Variants in RUNX2 observed in about 807,000 individuals in gnomAD.
RUNX2 encodes the protein runt-related transcription factor 2.
RUNX2 carries 10 observed loss-of-function variants against 51.7 expected under a neutral mutation model. The ratio of observed to expected loss-of-function variants is 0.19; its 90% CI spans 0.12 to 0.33. The LOEUF is 0.33. Ranked by LOEUF, RUNX2 falls within the 10% of genes least tolerant of loss-of-function variation. RUNX2 has a pLI of 1.00. For missense variants in RUNX2, 562 were observed against 691.3 expected (o/e 0.81, Z 2.10); for synonymous variants, 276 against 273.6 (o/e 1.01, Z -0.09).
intron 2 of RUNX2, chr6:45,361,443 G>T (rs1794243956): frequency 6.6e-6 from 1 of 151,922 alleles, no homozygotes; most frequent in Admixed American, 6.6e-5. Context: ...TATATAAATG[G>T]GTAAAGTAAG....
intron 5 of RUNX2, among the ~76,000 whole-genome samples, chr6:45,470,516 T>C (rs1799766199): frequency 6.6e-6 from 1 of 152,166 alleles, no homozygotes; most frequent in Non-Finnish European, 1.5e-5. Flanking sequence ...AAGAAGTGTA[T>C]GATAAATGTC....
At chr6:45,457,903 A>G (rs774674885) in intron 5 of RUNX2, among the ~76,000 whole-genome samples, 5 of 152,096 alleles carry the variant, frequency 3.3e-5, no homozygotes, top group Non-Finnish European at 4.4e-5. Flanking sequence ...TCTAAAATGC[A>G]TTTGTCTGGT....
chr6:45,538,200 G>GT (rs1354878123), intron 7 of RUNX2, among the ~76,000 whole-genome samples: 2 of 152,258 alleles, frequency 1.3e-5, no homozygotes, highest in East Asian at 1.9e-4. Context: ...GAAAATACCA[G>GT]TCTGTCCTGT....
chr6:45,547,885 CT>C lies in RUNX2; in HGVS notation c.*581del, dbSNP rs1234477408. The C allele has an allele frequency of 2.7e-5, 4 of 149,624 alleles. No individual in the cohort carries two copies. Among genetic ancestry groups the C allele is most frequent in the Non-Finnish European group, 5.9e-5 (4 of 68,110 alleles). The allele number at this position is 149,624 out of a possible 1,614,324, so 9.3% of individuals were successfully genotyped here. A position where few individuals can be genotyped will look rare whatever the true frequency, so the allele number is the denominator to read the frequency against. On this transcript the variant is annotated 3_prime_UTR_variant, in exon 9 of 9. Coordinates refer to ENST00000647337, the MANE Select transcript of RUNX2 (RefSeq NM_001024630.4). ...GACATGCTGCAGGTCCTCATCTGAA[CT>C]GTTGGGTTCGTTTTTTTTTTTTTTT...
chr6:45,488,733 G>A (rs1179765427), intron 5 of RUNX2, among the ~76,000 whole-genome samples: 1 of 152,158 alleles, frequency 6.6e-6, no homozygotes, highest in South Asian at 2.1e-4. Flanking sequence ...AGCTAGAGAA[G>A]GGATCCAGGA....
At chr6:45,380,897 G>A (rs1797226411) in intron 2 of RUNX2, among the ~76,000 whole-genome samples, 1 of 152,170 alleles carries the variant, frequency 6.6e-6, no homozygotes, top group Non-Finnish European at 1.5e-5. Flanking sequence ...TTCTCATGTG[G>A]ATGCTACAGT....
intron 5 of RUNX2, among the ~76,000 whole-genome samples, chr6:45,452,816 G>T (rs1298483860): frequency 6.6e-6 from 1 of 152,218 alleles, no homozygotes; most frequent in Non-Finnish European, 1.5e-5. Context: ...GGCTGAGTGG[G>T]TGTGGTGCCA....
At chr6:45,491,661 G>A (rs12173849) in intron 5 of RUNX2, among the ~76,000 whole-genome samples, 5 of 137,312 alleles carry the variant, frequency 3.6e-5, no homozygotes, top group Non-Finnish European at 7.7e-5. Context: ...GAGGGCCAGA[G>A]AAGGTGTCTA....
chr6:45,541,819 G>A (rs1036816256), intron 7 of RUNX2, among the ~76,000 whole-genome samples: 12 of 152,180 alleles, frequency 7.9e-5, no homozygotes, highest in African/African-American at 2.2e-4. Flanking sequence ...AGCCCCAATG[G>A]CAAGTACCCG....
At chr6:45,512,779 A>T (rs62400366) in intron 7 of RUNX2, among the ~76,000 whole-genome samples, 14,485 of 151,970 alleles carry the variant, frequency 0.095, 917 homozygotes, top group Non-Finnish European at 0.14. Flanking sequence ...CTGCCTATAA[A>T]CAAGATTGAT....
intron 5 of RUNX2, among the ~76,000 whole-genome samples, chr6:45,468,374 G>T (rs1799699369): frequency 6.6e-6 from 1 of 152,092 alleles, no homozygotes; most frequent in South Asian, 2.1e-4. Flanking sequence ...TAAATACTTA[G>T]AGAACATGCT....
At chr6:45,383,844 T>A (rs1222780741) in intron 2 of RUNX2, among the ~76,000 whole-genome samples, 1 of 152,240 alleles carries the variant, frequency 6.6e-6, no homozygotes, top group Non-Finnish European at 1.5e-5. Context: ...AGGCAACCTG[T>A]TATTCCTACT....
chr6:45,359,492 T>C (rs116706233), intron 2 of RUNX2, among the ~76,000 whole-genome samples: 2,045 of 152,290 alleles, frequency 0.013, 49 homozygotes, highest in African/African-American at 0.046. Flanking sequence ...CATATTTTAG[T>C]GTAATTTAAA....
chr6:45,370,680 T>C (rs1322467407), intron 2 of RUNX2, among the ~76,000 whole-genome samples: 1 of 152,096 alleles, frequency 6.6e-6, no homozygotes, highest in Non-Finnish European at 1.5e-5. Context: ...ATTGAAAATA[T>C]CAAAACACCC....
At chr6:45,503,423 C>T (rs545854842) in intron 6 of RUNX2, among the ~76,000 whole-genome samples, 2 of 152,288 alleles carry the variant, frequency 1.3e-5, no homozygotes, top group South Asian at 4.1e-4. Flanking sequence ...TCAGGTATCA[C>T]CATGCCTGGG....
chr6:45,410,112 C>T lies in RUNX2; in HGVS notation c.59-12481C>T, dbSNP rs144069472. On this transcript the variant is annotated intron_variant, in intron 2 of 8. Coordinates refer to ENST00000647337, the MANE Select transcript of RUNX2 (RefSeq NM_001024630.4). ...TTCTGTAGTGATAACTTGGGAAGGC[C>T]AGGACATGAAGGGGTTTTGTATGAT... Among the ~76,000 whole-genome samples the T allele has an allele frequency of 5.0e-4, 76 of 152,154 alleles. No individual in the cohort carries two copies. The East Asian group carries it at 0.014, about 28-fold the overall frequency.
At position 45,547,083 on chromosome 6, in the gene RUNX2, C is replaced by G; in HGVS notation, c.1344C>G (p.Gly448=). The part of the protein sequence containing the change: ...QTSSTPYLYY[G]TSSGSYQFPM... ...GCAGCACTCCATATCTCTACTATGG[C>G]ACTTCGTCAGGATCCTATCAGTTTC... The change falls in exon 9 of 9, where the codon GGC becomes GGG. Residue 448 remains glycine (G), a synonymous_variant. Coordinates refer to ENST00000647337, the MANE Select transcript of RUNX2 (RefSeq NM_001024630.4). 6.2e-7 allele frequency: 1 copy of G among 1,614,136 alleles called. No homozygotes were observed. Among genetic ancestry groups the G allele is most frequent in the Non-Finnish European group, 8.5e-7 (1 of 1,180,026 alleles).
In RUNX2 at chr6:45,499,798, A is replaced by G. The variant is rs1320085920; in HGVS notation, c.859+7684A>G. ...CTCATTTTATCCTTCTTCCCCCAAA[A>G]CAGTTCCATTTCTAGCCTGTCTTTA... On this transcript the variant is annotated intron_variant, in intron 6 of 8. Transcript: ENST00000647337. Among the ~76,000 whole-genome samples the G allele has an allele frequency of 4.6e-5, 7 of 152,284 alleles. No individual in the cohort carries two copies. In the East Asian group the frequency reaches 5.8e-4, roughly 13 times the overall value.
chr6:45,444,081 C>A (rs1421462559), intron 5 of RUNX2, among the ~76,000 whole-genome samples: 1 of 152,170 alleles, frequency 6.6e-6, no homozygotes. Context: ...ACCTCCTGAC[C>A]TCAGGTGATC....
Sources: gnomAD v4.1 joint callset for allele counts (sites outside exome capture counted in the v4.1 genomes callset) on GRCh38, gnomAD v4.1.1 for gene constraint, MANE v1.5 for transcripts, NCBI Gene and HGNC (gene_info 2026-07-23, HGNC 2026-07-21) for gene names.